The following NMRAL1 variants were observed in gnomAD, a reference collection of about 807,000 sequenced individuals.
The protein encoded by NMRAL1 is NmrA like redox sensor 1, also known as nmrA-like family domain-containing protein 1.
Under a neutral mutation model 27.5 loss-of-function variants are expected in NMRAL1, and 32 were observed. The ratio of observed to expected loss-of-function variants is 1.16; its 90% CI spans 0.88 to 1.56. The LOEUF is 1.56. Among genes scored for constraint, NMRAL1 ranks in the 40% most tolerant of loss-of-function variants. NMRAL1 has a pLI of 0.00. For synonymous variants in NMRAL1, 166 were observed against 166.8 expected (o/e 1.00, Z 0.04); for missense variants, 420 against 392.0 (o/e 1.07, Z -0.60).
intron 4 of NMRAL1, chr16:4,464,052 G>A (rs184780688): frequency 5.6e-5 from 31 of 549,824 alleles, no homozygotes; most frequent in East Asian, 2.9e-4. Flanking sequence ...GATGGAATCC[G>A]GGTACTGCCA....
At chr16:4,468,259 G>A (rs1365856471) in intron 3 of NMRAL1, among the ~76,000 whole-genome samples, 5 of 151,448 alleles carry the variant, frequency 3.3e-5, no homozygotes, top group East Asian at 2.0e-4. Context: ...CCAAGATTGC[G>A]CCATTGCATG....
intron 2 of NMRAL1, among the ~76,000 whole-genome samples, chr16:4,469,866 TAAA>T (rs776897364): frequency 2.9e-4 from 28 of 97,680 alleles, no homozygotes; most frequent in Non-Finnish European, 5.5e-4. Flanking sequence ...GAATCTGTAT[TAAA>T]AAAAAAAAAA....
intron 2 of NMRAL1, chr16:4,469,694 C>T (rs1035726236): frequency 4.5e-5 from 37 of 816,406 alleles, no homozygotes; most frequent in South Asian, 7.9e-5. Context: ...GGTGAAACCC[C>T]GCCTCTATCA....
At chr16:4,463,942 C>T in intron 4 of NMRAL1, 92 bp from the exon 5 acceptor site, 1 of 1,060,978 alleles carries the variant, frequency 9.4e-7, no homozygotes, top group East Asian at 2.5e-5. Flanking sequence ...CTGGTTCTTC[C>T]CAGCAGTCAG....
At chr16:4,470,982 C>T (rs1409058947) in intron 2 of NMRAL1, among the ~76,000 whole-genome samples, 1 of 151,734 alleles carries the variant, frequency 6.6e-6, no homozygotes, top group Non-Finnish European at 1.5e-5. Flanking sequence ...ATGGTGGAGC[C>T]TGTAATCCCA....
intron 2 of NMRAL1, among the ~76,000 whole-genome samples, chr16:4,473,021 G>T (rs1407014018): frequency 6.7e-6 from 1 of 149,230 alleles, no homozygotes; most frequent in Non-Finnish European, 1.5e-5. Flanking sequence ...TGTTGCCCAG[G>T]CTGGAGTGCA....
At chr16:4,464,223 G>T (rs2057227609) in intron 4 of NMRAL1, 1 of 276,610 alleles carries the variant, frequency 3.6e-6, no homozygotes, top group Non-Finnish European at 6.7e-6. Flanking sequence ...CTGGAGCCCA[G>T]GGTCTCCGCT....
At chr16:4,466,433 C>G in intron 3 of NMRAL1, 31 bp from the exon 4 acceptor site, 1 of 1,602,570 alleles carries the variant, frequency 6.2e-7, no homozygotes, top group Non-Finnish European at 8.5e-7. Context: ...GATCACAAGG[C>G]TCAGAAGAAG....
chr16:4,472,220 A>G (rs1273171783), intron 2 of NMRAL1, among the ~76,000 whole-genome samples: 1 of 152,176 alleles, frequency 6.6e-6, no homozygotes, highest in Non-Finnish European at 1.5e-5. Flanking sequence ...CATAAAAATA[A>G]GTAAAGCTGT....
intron 2 of NMRAL1, among the ~76,000 whole-genome samples, chr16:4,470,138 G>T (rs2057500943): frequency 6.9e-6 from 1 of 145,014 alleles, no homozygotes; most frequent in African/African-American, 2.6e-5. Context: ...CTCCAGCCTG[G>T]GTGACAAAGT....
Position 4,469,469 on chromosome 16 carries a change from C to A in NMRAL1, c.41-4G>T, listed in dbSNP as rs373650890. ...GCCACGGAGCCACCCTGGGCACCTACAAAGAATCAAAAAGACCTCTCAGGT... is the reference window on the plus strand; with the variant it reads ...GCCACGGAGCCACCCTGGGCACCTAAAAAGAATCAAAAAGACCTCTCAGGT... On this transcript the variant is annotated splice_polypyrimidine_tract_variant and splice_region_variant and intron_variant, in intron 2 of 5. Coordinates refer to ENST00000283429, the MANE Select transcript of NMRAL1 (RefSeq NM_020677.6). 6.2e-7 allele frequency: 1 copy of A among 1,613,238 alleles called. No homozygotes were observed.
At chr16:4,474,913 C>T (rs547138043), upstream of NMRAL1, 7 of 152,134 alleles carry the variant, frequency 4.6e-5, no homozygotes, top group African/African-American at 1.7e-4. Context: ...AGGCCTTGTC[C>T]GCTTGATATT....
chr16:4,469,195 C>A (rs758766545), intron 3 of NMRAL1, 32 bp downstream of exon 3: 1 of 1,508,752 alleles, frequency 6.6e-7, no homozygotes, highest in South Asian at 1.1e-5. Flanking sequence ...CTAGCCTGGC[C>A]GGGCCTCCCT....
intron 2 of NMRAL1, 84 bp from the exon 3 acceptor site, chr16:4,469,549 C>G (rs888905984): frequency 1.9e-6 from 3 of 1,577,658 alleles, no homozygotes; most frequent in Non-Finnish European, 2.6e-6. Flanking sequence ...AGTGCTCCAC[C>G]ACAGCAAGGA....
chr16:4,466,623 C>A (rs1399025470), intron 3 of NMRAL1: 1 of 573,348 alleles, frequency 1.7e-6, no homozygotes. Flanking sequence ...TGACTCTGGC[C>A]CACCATGTGC....
At chr16:4,474,235 C>T (rs1053730358) in intron 1 of NMRAL1, 69 bp from the exon 2 acceptor site, 2 of 1,171,806 alleles carry the variant, frequency 1.7e-6, no homozygotes, top group Admixed American at 2.0e-5. Flanking sequence ...CAAAGGACAC[C>T]CCCATTGTCT....
At chr16:4,470,733 G>A (rs1419037741) in intron 2 of NMRAL1, among the ~76,000 whole-genome samples, 1 of 151,874 alleles carries the variant, frequency 6.6e-6, no homozygotes, top group Non-Finnish European at 1.5e-5. Flanking sequence ...GGATCATGAG[G>A]TCAGGAGATC....
chr16:4,466,526 C>T, intron 3 of NMRAL1, 124 bp from the exon 4 acceptor site: 4 of 883,294 alleles, frequency 4.5e-6, no homozygotes, highest in Non-Finnish European at 5.2e-6. Context: ...ACCCCACTTA[C>T]CCTTGAGGAG....
chr16:4,472,727 G>C lies in NMRAL1; in HGVS notation c.40+1366C>G, dbSNP rs572635989. On this transcript the variant is annotated intron_variant, in intron 2 of 5. Transcript: ENST00000283429. ...CCACTGCACTGCTGCCTGGGCAACA[G>C]AGCGGGACTCTGTCTCAAAAAAAAA... is the stretch of plus-strand genomic sequence containing the variant. 4.1e-5 allele frequency among the ~76,000 whole-genome samples: 6 copies of C among 147,604 alleles called. No individual in the cohort carries two copies. The South Asian group carries it at 8.5e-4, about 21-fold the overall frequency.
Sources: allele counts gnomAD v4.1 joint callset (sites outside exome capture counted in the v4.1 genomes callset), GRCh38; gene constraint gnomAD v4.1.1; transcripts MANE v1.5; gene names NCBI Gene and HGNC (gene_info 2026-07-23, HGNC 2026-07-21).